Variants in NDE1 observed in about 807,000 individuals in gnomAD.
NDE1 encodes the protein nuclear distribution protein nudE homolog 1.
Under a neutral mutation model 43.4 loss-of-function variants are expected in NDE1, and 28 were observed. The ratio of observed to expected loss-of-function variants is 0.65; its 90% CI spans 0.48 to 0.89. NDE1 has a LOEUF of 0.89. Among genes scored for constraint, NDE1 ranks in the 40% least tolerant of loss-of-function variants. The pLI, the probability that NDE1 is intolerant of heterozygous loss-of-function variation, is 0.00. For synonymous variants in NDE1, 184 were observed against 172.0 expected (o/e 1.07, Z -0.55); for missense variants, 441 against 434.1 (o/e 1.02, Z -0.14).
At chr16:15,680,209 C>T (rs1003491855) in intron 4 of NDE1, among the ~76,000 whole-genome samples, 2 of 152,040 alleles carry the variant, frequency 1.3e-5, no homozygotes, top group South Asian at 2.1e-4. Context: ...TTTTTTTAGC[C>T]GTAACTGGGC....
At chr16:15,692,540 A>G (rs1374336534) in intron 6 of NDE1, among the ~76,000 whole-genome samples, 1 of 144,462 alleles carries the variant, frequency 6.9e-6, no homozygotes, top group Non-Finnish European at 1.5e-5. Flanking sequence ...CTCCTGAGTA[A>G]GCTTGAATTA....
intron 1 of NDE1, among the ~76,000 whole-genome samples, chr16:15,664,381 G>A (rs1567624367): frequency 6.6e-6 from 1 of 152,028 alleles, no homozygotes; most frequent in Non-Finnish European, 1.5e-5. Flanking sequence ...TTTTGACACA[G>A]AGTCTCGGTC....
At position 15,686,264 on chromosome 16, in the gene NDE1, T is replaced by G. The variant is rs1407973108; in HGVS notation, c.387-1111T>G. 3 of 682,532 alleles carry G rather than the reference T, an allele frequency of 4.4e-6. No individual in the cohort carries two copies. The East Asian group carries it at 4.1e-4, about 92-fold the overall frequency. The allele number at this position is 682,532 out of a possible 1,614,324, so 42.3% of individuals were successfully genotyped here. Reference sequence around the variant, plus strand: ...ACCGTGTCCGGGCCTGTATGACTTCTTGCCACCCCTTCCCCACCACAATCC... The same window carrying G: ...ACCGTGTCCGGGCCTGTATGACTTCGTGCCACCCCTTCCCCACCACAATCC... On this transcript the variant is annotated intron_variant, in intron 4 of 8. Coordinates refer to ENST00000396354, the MANE Select transcript of NDE1 (RefSeq NM_017668.3).
At chr16:15,695,667 A>C (rs909271792) in intron 7 of NDE1, 3 of 985,392 alleles carry the variant, frequency 3.0e-6, no homozygotes, top group African/African-American at 1.7e-5. Flanking sequence ...ACTCCTACCA[A>C]GTTGTCACTG....
At chr16:15,673,646 C>T (rs866132407) in intron 3 of NDE1, among the ~76,000 whole-genome samples, 2 of 151,872 alleles carry the variant, frequency 1.3e-5, no homozygotes, top group South Asian at 2.1e-4. Context: ...AGTCCTCCCA[C>T]CTCAGCCTCC....
At position 15,710,475 on chromosome 16, in the gene NDE1, C is replaced by T. The variant is rs192879577; in HGVS notation, c.947+13615C>T. Reference sequence around the variant, plus strand: ...GGCAAAGGTTGCAGTGAGCCGAGATCGCGCCACTGCACTCCAGCCTGGCAA... The same window carrying T: ...GGCAAAGGTTGCAGTGAGCCGAGATTGCGCCACTGCACTCCAGCCTGGCAA... On this transcript the variant is annotated intron_variant, in intron 8 of 8. Transcript: ENST00000396354. Among the ~76,000 whole-genome samples the T allele has an allele frequency of 8.5e-4, 130 of 152,160 alleles. 2 individuals are homozygous for T. The highest frequency in any genetic ancestry group is 2.9e-3 in the African/African-American group (120 of 41,518).
rs2036430250 is a variant in NDE1 at position 15,650,279 on chromosome 16, C to T, written c.-59C>T. 1 of 315,462 alleles carries T rather than the reference C, an allele frequency of 3.2e-6. No homozygotes were observed. Among genetic ancestry groups the T allele is most frequent in the Non-Finnish European group, 6.5e-6 (1 of 153,002 alleles). 19.5% of individuals were successfully genotyped at this position (315,462 alleles called of 1,614,324 possible). ...TCTGCCGCCGCCGCCGCGTTGGCCT[C>T]GCCGCCCCTGCTCGGGTAAGTGAGG... On this transcript the variant is annotated 5_prime_UTR_variant, in exon 1 of 9. Coordinates refer to ENST00000396354, the MANE Select transcript of NDE1 (RefSeq NM_017668.3).
intron 8 of NDE1, chr16:15,714,611 G>A: frequency 3.7e-6 from 2 of 539,610 alleles, no homozygotes; most frequent in South Asian, 4.2e-5. Context: ...ATGAAGGAGG[G>A]GCTGGAGGAG....
chr16:15,704,851 T>C (rs777079903), intron 8 of NDE1, among the ~76,000 whole-genome samples: 2 of 152,224 alleles, frequency 1.3e-5, no homozygotes, highest in Non-Finnish European at 2.9e-5. Flanking sequence ...GGTGGATTAT[T>C]TTATTAAATT....
chr16:15,700,434 A>AT (rs1275574281), intron 8 of NDE1: 2 of 141,476 alleles, frequency 1.4e-5, no homozygotes, highest in African/African-American at 5.6e-5. Context: ...GGAGGTCCTG[A>AT]TTGGTCTTTT....
intron 8 of NDE1, chr16:15,721,706 G>A: frequency 6.6e-7 from 1 of 1,517,204 alleles, no homozygotes; most frequent in Non-Finnish European, 9.1e-7. Flanking sequence ...AAATACCGGG[G>A]GAAGCCCTGT....
chr16:15,667,757 G>A (rs1237217531), intron 3 of NDE1, among the ~76,000 whole-genome samples: 1 of 150,062 alleles, frequency 6.7e-6, no homozygotes, highest in Admixed American at 6.8e-5. Context: ...TCAGCCTCCT[G>A]AGTAGCTGGG....
Position 15,692,337 on chromosome 16 carries a change from A to G in NDE1, c.703+1014A>G, listed in dbSNP as rs575339194. On this transcript the variant is annotated intron_variant, in intron 6 of 8. Coordinates refer to ENST00000396354, the MANE Select transcript of NDE1 (RefSeq NM_017668.3). Reference sequence around the variant, plus strand: ...GGCTCCAGGGCTTACCCTACCATCTACTACCTTATCCCTTAGCTTGTCCCC... The same window carrying G: ...GGCTCCAGGGCTTACCCTACCATCTGCTACCTTATCCCTTAGCTTGTCCCC... 2.6e-5 allele frequency among the ~76,000 whole-genome samples: 4 copies of G among 152,320 alleles called. No homozygotes were observed. The East Asian group carries it at 7.7e-4, about 29-fold the overall frequency.
chr16:15,664,321 C>T (rs1179025338), intron 1 of NDE1, among the ~76,000 whole-genome samples: 1 of 151,892 alleles, frequency 6.6e-6, no homozygotes, highest in African/African-American at 2.4e-5. Context: ...AGATTTTTGG[C>T]AGTATTTAAT....
intron 4 of NDE1, among the ~76,000 whole-genome samples, chr16:15,678,843 G>A (rs563484216): frequency 2.2e-4 from 33 of 152,218 alleles, no homozygotes; most frequent in Non-Finnish European, 4.0e-4. Context: ...TTTGGAGGCC[G>A]AGGTGGGCGG....
Position 15,697,822 on chromosome 16 carries a change from T to G in NDE1, c.947+962T>G, listed in dbSNP as rs192628976. Among the ~76,000 whole-genome samples, 309 of 152,148 alleles carry G rather than the reference T, an allele frequency of 2.0e-3. 3 individuals are homozygous for G. The highest frequency in any genetic ancestry group is 0.017 in the Middle Eastern group (5 of 294). ...TTTTTTTTTTGTTTTGTTTTGTTTTTTTTTTGAGACGTCTTGCTCTGTCGC... is the reference window on the plus strand; with the variant it reads ...TTTTTTTTTTGTTTTGTTTTGTTTTGTTTTTGAGACGTCTTGCTCTGTCGC... On this transcript the variant is annotated intron_variant, in intron 8 of 8. Coordinates refer to ENST00000396354, the MANE Select transcript of NDE1 (RefSeq NM_017668.3).
At position 15,716,793 on chromosome 16, in the gene NDE1, C is replaced by T. The variant is rs138711989; in HGVS notation, c.948-7398C>T. Among the ~76,000 whole-genome samples, 1,338 of 152,326 alleles carry T rather than the reference C, an allele frequency of 8.8e-3. 20 individuals carry two copies. Among genetic ancestry groups the T allele is most frequent in the African/African-American group, 0.031 (1,268 of 41,564 alleles). ...CCTCCCAAATTGCTGGGATTACAGG[C>T]GTGAGCCACCACGTCCAGCCTGGTT... is the stretch of plus-strand genomic sequence containing the variant. On this transcript the variant is annotated intron_variant, in intron 8 of 8. Coordinates refer to ENST00000396354, the MANE Select transcript of NDE1 (RefSeq NM_017668.3).
chr16:15,694,991 T>C, intron 7 of NDE1: 1 of 824,814 alleles, frequency 1.2e-6, no homozygotes, highest in Non-Finnish European at 1.5e-6. Context: ...GGCAACATGG[T>C]GAAACCCCCT....
rs555575478 is a variant in NDE1 at position 15,697,112 on chromosome 16, G to T, written c.947+252G>T. The T allele has an allele frequency of 9.4e-6, 9 of 961,244 alleles. No individual in the cohort carries two copies. The African/African-American group carries it at 1.4e-4, about 15-fold the overall frequency. 59.5% of individuals were successfully genotyped at this position (961,244 alleles called of 1,614,324 possible). A position where few individuals can be genotyped will look rare whatever the true frequency, so the allele number is the denominator to read the frequency against. ...CACCTAGGCTAGAATACGATGGCAG[G>T]ATCATGGCTCACCCTCTGCCTCCCA... is the stretch of plus-strand genomic sequence containing the variant. On this transcript the variant is annotated intron_variant, in intron 8 of 8. Transcript: ENST00000396354.
Sources: allele counts gnomAD v4.1 joint callset (sites outside exome capture counted in the v4.1 genomes callset), GRCh38; gene constraint gnomAD v4.1.1; transcripts MANE v1.5; gene names NCBI Gene and HGNC (gene_info 2026-07-23, HGNC 2026-07-21).